Variants in TBC1D32 observed in about 807,000 individuals in gnomAD.
The protein encoded by TBC1D32 is protein broad-minded.
TBC1D32 carries 151 observed loss-of-function variants against 170.3 expected under a neutral mutation model. The ratio of observed to expected loss-of-function variants is 0.89; its 90% CI spans 0.78 to 1.01. TBC1D32 has a LOEUF of 1.01. TBC1D32 is among the 50% of genes least tolerant of loss of function. The pLI, the probability that TBC1D32 is intolerant of heterozygous loss-of-function variation, is 0.00. For synonymous variants in TBC1D32, 498 were observed against 488.0 expected (o/e 1.02, Z -0.27); for missense variants, 1,464 against 1,457.1 (o/e 1.00, Z -0.08).
chr6:121,148,740 G>C (rs548628540), intron 24 of TBC1D32, among the ~76,000 whole-genome samples: 1 of 151,810 alleles, frequency 6.6e-6, no homozygotes, highest in Non-Finnish European at 1.5e-5. Context: ...CAGCCTCCCG[G>C]GTAGCTGGGA....
chr6:121,098,495 C>A (rs150337691), intron 30 of TBC1D32, among the ~76,000 whole-genome samples: 2,404 of 151,876 alleles, frequency 0.016, 29 homozygotes, highest in Non-Finnish European at 0.023. Context: ...CCATGTGTCA[C>A]ACAATAAAGG....
chr6:121,201,425 G>A (rs1487680909), intron 22 of TBC1D32, among the ~76,000 whole-genome samples: 2 of 151,364 alleles, frequency 1.3e-5, no homozygotes. Context: ...TGAGGACAGG[G>A]GAAGTGGGCA....
At chr6:121,193,590 T>C (rs551549061) in intron 22 of TBC1D32, among the ~76,000 whole-genome samples, 7 of 152,302 alleles carry the variant, frequency 4.6e-5, no homozygotes, top group African/African-American at 1.7e-4. Flanking sequence ...AAGGGCCAAG[T>C]GGTGGCACTC....
chr6:121,205,718 C>A (rs1792165753), intron 21 of TBC1D32, among the ~76,000 whole-genome samples: 1 of 152,052 alleles, frequency 6.6e-6, no homozygotes, highest in Non-Finnish European at 1.5e-5. Flanking sequence ...CAGGCTCAAC[C>A]CCAGGCCAAT....
chr6:121,253,897 A>C (rs1464815181), intron 17 of TBC1D32, among the ~76,000 whole-genome samples: 1 of 152,132 alleles, frequency 6.6e-6, no homozygotes, highest in African/African-American at 2.4e-5. Context: ...ATCTCACTCA[A>C]AGGAAAAGAA....
chr6:121,173,561 G>A (rs1663985828), intron 22 of TBC1D32, among the ~76,000 whole-genome samples: 1 of 151,984 alleles, frequency 6.6e-6, no homozygotes. Flanking sequence ...TGGAAATGGA[G>A]TACACAAGAC....
At chr6:121,199,351 T>TA (rs1485618511) in intron 22 of TBC1D32, among the ~76,000 whole-genome samples, 1 of 151,104 alleles carries the variant, frequency 6.6e-6, no homozygotes, top group African/African-American at 2.5e-5. Flanking sequence ...AATACTGAAG[T>TA]AAAAAAGGAA....
intron 5 of TBC1D32, among the ~76,000 whole-genome samples, chr6:121,306,228 T>C (rs1807302684): frequency 6.6e-6 from 1 of 152,158 alleles, no homozygotes; most frequent in African/African-American, 2.4e-5. Flanking sequence ...GTAAACACCT[T>C]CCCTTTATGA....
At chr6:121,199,266 G>A (rs918561704) in intron 22 of TBC1D32, among the ~76,000 whole-genome samples, 5 of 151,192 alleles carry the variant, frequency 3.3e-5, no homozygotes, top group East Asian at 1.9e-4. Flanking sequence ...AGATTCAATC[G>A]TGTACTGGAA....
chr6:121,279,195 CA>C lies in TBC1D32; in HGVS notation c.1658del (p.Leu553TrpfsTer7). 6.2e-7 allele frequency: 1 copy of C among 1,611,596 alleles called. No homozygotes were observed. Among genetic ancestry groups the C allele is most frequent in the Non-Finnish European group, 8.5e-7 (1 of 1,178,942 alleles). On this transcript the variant is annotated frameshift_variant, in exon 15 of 32. Coordinates refer to ENST00000398212, the MANE Select transcript of TBC1D32 (RefSeq NM_152730.6). LOFTEE classifies it high-confidence loss of function. ...CTTCTTCTACAGATGCAATTCTTGC[CA>C]AAATACCAGCTATATGAATTAAAGC... ...ETALIHIAGILARIASVEEGL... is the reference protein window; with the variant it reads ...ETALIHIAGIXARIASVEEGL...
intron 5 of TBC1D32, among the ~76,000 whole-genome samples, chr6:121,306,260 A>C (rs995365803): frequency 1.3e-5 from 2 of 152,300 alleles, no homozygotes; most frequent in Non-Finnish European, 1.5e-5. Flanking sequence ...AGTGATTCCC[A>C]AACCACTTCT....
chr6:121,225,464 A>G (rs1014731449), intron 20 of TBC1D32, among the ~76,000 whole-genome samples: 12 of 152,022 alleles, frequency 7.9e-5, no homozygotes, highest in African/African-American at 2.9e-4. Context: ...TAAAATGTCT[A>G]TTTTGGTAGA....
chr6:121,131,542 G>A (rs1247155056), intron 25 of TBC1D32, 85 bp downstream of exon 25: 6 of 1,390,994 alleles, frequency 4.3e-6, no homozygotes, highest in Non-Finnish European at 5.9e-6. Context: ...TTCTACATAT[G>A]CCAATACTAA....
At chr6:121,171,300 C>T (rs1032013233) in intron 22 of TBC1D32, among the ~76,000 whole-genome samples, 3 of 133,086 alleles carry the variant, frequency 2.3e-5, no homozygotes, top group South Asian at 2.3e-4. Flanking sequence ...GAAACAGAGA[C>T]GAAAAGAAAC....
chr6:121,259,095 C>T (rs189854528), intron 15 of TBC1D32, among the ~76,000 whole-genome samples: 130 of 151,996 alleles, frequency 8.6e-4, no homozygotes, highest in African/African-American at 3.0e-3. Flanking sequence ...GTCAGGAGTT[C>T]GAGACCAGCC....
In TBC1D32 at chr6:121,079,862, A is replaced by G. The variant is rs993721576; in HGVS notation, c.*909T>C. The G allele has an allele frequency of 6.6e-6, 1 of 152,178 alleles. No individual in the cohort carries two copies. The highest frequency in any genetic ancestry group is 1.5e-5 in the Non-Finnish European group (1 of 68,010). The allele number at this position is 152,178 out of a possible 1,614,324, so 9.4% of individuals were successfully genotyped here. A position where few individuals can be genotyped will look rare whatever the true frequency, so the allele number is the denominator to read the frequency against. On this transcript the variant is annotated 3_prime_UTR_variant, in exon 32 of 32. Coordinates refer to ENST00000398212, the MANE Select transcript of TBC1D32 (RefSeq NM_152730.6). ...GAATGCTTATCAGTATGAAATAACC[A>G]ATCTATCTCTTCAATGAACCATGTA...
intron 20 of TBC1D32, among the ~76,000 whole-genome samples, chr6:121,234,683 G>C (rs892141255): frequency 2.0e-5 from 3 of 152,012 alleles, no homozygotes; most frequent in African/African-American, 7.3e-5. Flanking sequence ...TTGATTAGCT[G>C]AGTAATCAAC....
chr6:121,192,082 A>ATATATATATATATATATATATC (rs57260767), intron 22 of TBC1D32, among the ~76,000 whole-genome samples: 4 of 133,634 alleles, frequency 3.0e-5, no homozygotes, highest in Admixed American at 9.8e-5. Context: ...ATATATATAT[A>ATATATATATATATATATATATC]TCCTATTAGT....
chr6:121,327,036 C>T (rs1362169215), intron 1 of TBC1D32, among the ~76,000 whole-genome samples: 1 of 152,062 alleles, frequency 6.6e-6, no homozygotes, highest in Admixed American at 6.6e-5. Context: ...CCATAAAATA[C>T]TAAATGAAGC....
Sources: allele counts gnomAD v4.1 joint callset (sites outside exome capture counted in the v4.1 genomes callset), GRCh38; gene constraint gnomAD v4.1.1; transcripts MANE v1.5; gene names NCBI Gene and HGNC (gene_info 2026-07-23, HGNC 2026-07-21).